Variants in CCSER1 observed in about 807,000 individuals in gnomAD.
The protein encoded by CCSER1 is coiled-coil serine rich protein 1.
In CCSER1, 41 loss-of-function variants were observed where a neutral mutation model predicts 82.0. The observed-to-expected ratio is 0.50, with a 90% CI of 0.39 to 0.65. The LOEUF is 0.65. Among genes scored for constraint, CCSER1 ranks in the 30% least tolerant of loss-of-function variants. The pLI, the probability that CCSER1 is intolerant of heterozygous loss-of-function variation, is 0.00. For synonymous variants in CCSER1, 414 were observed against 383.9 expected, an observed-to-expected ratio of 1.08 and a Z score of -0.92; for missense variants, 1,119 against 1,064.2, an observed-to-expected ratio of 1.05 and a Z score of -0.72.
At chr4:90,408,154 AG>A (rs1286756317) in intron 4 of CCSER1, among the ~76,000 whole-genome samples, 1 of 152,210 alleles carries the variant, frequency 6.6e-6, no homozygotes, top group Non-Finnish European at 1.5e-5. Context: ...AACTAGGTAG[AG>A]TCCACCCAGC....
intron 5 of CCSER1, among the ~76,000 whole-genome samples, chr4:90,616,525 A>C (rs1291264449): frequency 2.6e-5 from 4 of 152,036 alleles, no homozygotes; most frequent in Admixed American, 1.3e-4. Context: ...TCTACCAAAA[A>C]TATAAAAAAA....
intron 3 of CCSER1, among the ~76,000 whole-genome samples, chr4:90,366,239 C>T (rs1273497067): frequency 1.3e-5 from 2 of 149,370 alleles, no homozygotes; most frequent in African/African-American, 4.8e-5. Flanking sequence ...TTAGCAAATA[C>T]TACTTTCTAT....
At chr4:90,359,865 GTATATATA>G (rs1247101669) in intron 3 of CCSER1, among the ~76,000 whole-genome samples, 1 of 145,366 alleles carries the variant, frequency 6.9e-6, no homozygotes, top group African/African-American at 2.6e-5. Context: ...ATATATATGT[GTATATATA>G]TGTGTGTATA....
chr4:91,541,610 C>T (rs1308380752), intron 10 of CCSER1, among the ~76,000 whole-genome samples: 1 of 152,170 alleles, frequency 6.6e-6, no homozygotes, highest in Non-Finnish European at 1.5e-5. Context: ...GCCACATTTT[C>T]TTAATCCAGT....
intron 5 of CCSER1, among the ~76,000 whole-genome samples, chr4:90,536,886 A>G (rs1434995339): frequency 6.6e-6 from 1 of 152,194 alleles, no homozygotes; most frequent in East Asian, 1.9e-4. Flanking sequence ...AGAATTTCCA[A>G]AGTCCCTAGG....
intron 1 of CCSER1, among the ~76,000 whole-genome samples, chr4:90,140,751 A>C (rs1724609716): frequency 7.2e-6 from 1 of 139,796 alleles, no homozygotes; most frequent in Non-Finnish European, 1.5e-5. Context: ...TGTAACCTCC[A>C]ACTCCCTGGT....
chr4:91,363,088 T>G (rs1408809893), intron 10 of CCSER1, among the ~76,000 whole-genome samples: 2 of 151,546 alleles, frequency 1.3e-5, no homozygotes, highest in African/African-American at 4.8e-5. Context: ...CACAAGAAAC[T>G]CTCTTACAAA....
chr4:90,564,687 G>GAGTTTTTT (rs144118282), intron 5 of CCSER1, among the ~76,000 whole-genome samples: 1 of 143,644 alleles, frequency 7.0e-6, no homozygotes. Context: ...AATTCATTTT[G>GAGTTTTTT]TTTTTTTTTT....
At chr4:90,254,709 A>G (rs1296793906) in intron 1 of CCSER1, among the ~76,000 whole-genome samples, 2 of 152,052 alleles carry the variant, frequency 1.3e-5, no homozygotes, top group Non-Finnish European at 2.9e-5. Flanking sequence ...GAGCTTCCAT[A>G]AAGTTGAGCT....
intron 1 of CCSER1, among the ~76,000 whole-genome samples, chr4:90,138,286 G>A (rs1219157204): frequency 2.0e-5 from 3 of 152,030 alleles, no homozygotes; most frequent in African/African-American, 7.3e-5. Context: ...CAAACTCCTG[G>A]GATCAAGTGA....
chr4:91,169,581 A>G (rs1278219083), intron 10 of CCSER1, among the ~76,000 whole-genome samples: 1 of 152,180 alleles, frequency 6.6e-6, no homozygotes, highest in Non-Finnish European at 1.5e-5. Flanking sequence ...AGATCACACC[A>G]CTGCACTCTA....
At chr4:90,590,578 CT>C (rs1782568074) in intron 5 of CCSER1, among the ~76,000 whole-genome samples, 1 of 149,934 alleles carries the variant, frequency 6.7e-6, no homozygotes, top group South Asian at 2.1e-4. Flanking sequence ...GAAACTTGGT[CT>C]CAAAAAAAAA....
chr4:90,942,665 T>TAA (rs35926439), intron 9 of CCSER1, among the ~76,000 whole-genome samples: 237 of 151,288 alleles, frequency 1.6e-3, no homozygotes, highest in African/African-American at 5.4e-3. Context: ...CTATCTTTGT[T>TAA]AAAAAAAAGA....
intron 9 of CCSER1, among the ~76,000 whole-genome samples, chr4:90,977,118 A>G (rs1735681024): frequency 6.6e-6 from 1 of 151,610 alleles, no homozygotes; most frequent in African/African-American, 2.4e-5. Flanking sequence ...TTTGGAATAA[A>G]AATACAATGC....
chr4:91,393,945 T>C (rs564992900), intron 10 of CCSER1, among the ~76,000 whole-genome samples: 4 of 152,124 alleles, frequency 2.6e-5, no homozygotes, highest in Non-Finnish European at 5.9e-5. Flanking sequence ...TTCCCTCCCA[T>C]TACTTTTCTT....
chr4:90,218,846 C>T (rs1741597903), intron 1 of CCSER1, among the ~76,000 whole-genome samples: 1 of 135,702 alleles, frequency 7.4e-6, no homozygotes, highest in Admixed American at 7.5e-5. Context: ...ATAGCAAAAC[C>T]CTGTCTTTAC....
chr4:91,465,631 G>T (rs571360885), intron 10 of CCSER1, among the ~76,000 whole-genome samples: 4 of 152,020 alleles, frequency 2.6e-5, no homozygotes, highest in Non-Finnish European at 5.9e-5. Flanking sequence ...AGAAAAGAGA[G>T]AAGAATCAAA....
chr4:91,335,022 A>C (rs2149280705), intron 10 of CCSER1, among the ~76,000 whole-genome samples: 1 of 152,156 alleles, frequency 6.6e-6, no homozygotes, highest in Non-Finnish European at 1.5e-5. Context: ...TAATTAAAAG[A>C]CTACTGTTAT....
chr4:91,438,841 G>A (rs941690869), intron 10 of CCSER1, among the ~76,000 whole-genome samples: 3 of 152,162 alleles, frequency 2.0e-5, no homozygotes, highest in African/African-American at 7.2e-5. Context: ...AATGCAGAAG[G>A]CTCAGGAGCC....
Sources: allele counts gnomAD v4.1 joint callset (sites outside exome capture counted in the v4.1 genomes callset), GRCh38; gene constraint gnomAD v4.1.1; transcripts MANE v1.5; gene names NCBI Gene and HGNC (gene_info 2026-07-23, HGNC 2026-07-21).